GLIS3: variants seen among roughly 807,000 people sequenced by gnomAD.
GLIS3 encodes GLIS family zinc finger 3, also known as zinc finger protein GLIS3.
GLIS3 carries 53 observed loss-of-function variants against 78.6 expected under a neutral mutation model. The observed-to-expected ratio is 0.67, with a 90% CI of 0.54 to 0.85. The LOEUF is 0.85. GLIS3 is among the 40% of genes least tolerant of loss of function. The probability of loss-of-function intolerance (pLI) is 0.00; values close to 1 mark genes in which losing one functional copy is unlikely to be tolerated. For missense variants in GLIS3, 1,703 were observed against 1,231.1 expected, an observed-to-expected ratio of 1.38 and a Z score of -5.74; for synonymous variants, 684 against 509.9, an observed-to-expected ratio of 1.34 and a Z score of -4.60.
the GLIS3 span, among the ~76,000 whole-genome samples, chr9:4,371,886 G>A: frequency 7.2e-5 from 11 of 152,190 alleles, no homozygotes; most frequent in Admixed American, 2.6e-4. Flanking sequence ...CACAATAAAC[G>A]CATCCAGAAT....
At chr9:3,864,444 C>G (rs1363343262) in intron 8 of GLIS3, among the ~76,000 whole-genome samples, 1 of 152,172 alleles carries the variant, frequency 6.6e-6, no homozygotes. Context: ...TCCCAGTATC[C>G]TTCTCATGGT....
intron 4 of GLIS3, among the ~76,000 whole-genome samples, chr9:4,115,359 T>C (rs1292974153): frequency 1.3e-5 from 2 of 152,294 alleles, no homozygotes; most frequent in South Asian, 2.1e-4. Context: ...AAGAAGAATG[T>C]GGCCATTTTA....
intron 8 of GLIS3, among the ~76,000 whole-genome samples, chr9:3,868,591 T>G (rs1484244277): frequency 6.6e-6 from 1 of 152,240 alleles, no homozygotes; most frequent in East Asian, 1.9e-4. Flanking sequence ...TTTGTCTTTT[T>G]TCTTCTATCA....
intron 2 of GLIS3, among the ~76,000 whole-genome samples, chr9:4,344,187 C>T (rs1445869401): frequency 6.6e-6 from 1 of 152,260 alleles, no homozygotes; most frequent in South Asian, 2.1e-4. Flanking sequence ...TACAGCAAGT[C>T]TCCCGATAAA....
intron 2 of GLIS3, among the ~76,000 whole-genome samples, chr9:4,322,645 A>C (rs903899649): frequency 1.3e-5 from 2 of 152,106 alleles, no homozygotes; most frequent in Non-Finnish European, 2.9e-5. Context: ...TTTGATTTGC[A>C]TTTCTCTGAT....
chr9:4,380,531 G>T, the GLIS3 span, among the ~76,000 whole-genome samples: 1 of 152,184 alleles, frequency 6.6e-6, no homozygotes, highest in Non-Finnish European at 1.5e-5. Context: ...TCACACTTTT[G>T]CATAATCAGA....
the GLIS3 span, among the ~76,000 whole-genome samples, chr9:4,431,539 T>C: frequency 1.3e-5 from 2 of 152,074 alleles, no homozygotes; most frequent in African/African-American, 2.4e-5. Context: ...GGCTGGCAAA[T>C]GTTTTCTGTA....
intron 4 of GLIS3, among the ~76,000 whole-genome samples, chr9:4,112,788 A>C (rs1034481208): frequency 2.6e-5 from 4 of 152,198 alleles, no homozygotes; most frequent in African/African-American, 9.7e-5. Context: ...GAAATATTTC[A>C]AATAGGCAGT....
At chr9:4,217,281 C>T (rs1443982834) in intron 2 of GLIS3, among the ~76,000 whole-genome samples, 1 of 152,134 alleles carries the variant, frequency 6.6e-6, no homozygotes, top group Non-Finnish European at 1.5e-5. Flanking sequence ...AGCTCAGGCT[C>T]CATATCTGGT....
the GLIS3 span, among the ~76,000 whole-genome samples, chr9:4,437,973 G>A: frequency 1.3e-5 from 2 of 152,078 alleles, no homozygotes; most frequent in African/African-American, 2.4e-5. Flanking sequence ...TCAACAGTGG[G>A]CTATTCATAG....
At chr9:4,406,085 A>G in the GLIS3 span, among the ~76,000 whole-genome samples, 80 of 152,282 alleles carry the variant, frequency 5.3e-4, no homozygotes, top group East Asian at 2.3e-3. Context: ...AAAAGACTAC[A>G]TAACAAAAGA....
At chr9:4,455,342 C>T in the GLIS3 span, among the ~76,000 whole-genome samples, 1 of 152,012 alleles carries the variant, frequency 6.6e-6, no homozygotes, top group East Asian at 1.9e-4. Context: ...TAGCATTATC[C>T]ACAAGTTATT....
At chr9:4,385,735 G>A in the GLIS3 span, among the ~76,000 whole-genome samples, 2 of 17,650 alleles carry the variant, frequency 1.1e-4, no homozygotes, top group African/African-American at 1.7e-4. Flanking sequence ...AAGAAAGAAA[G>A]AAAAAGAAAG....
the GLIS3 span, among the ~76,000 whole-genome samples, chr9:4,476,074 G>A: frequency 6.6e-6 from 1 of 151,996 alleles, no homozygotes; most frequent in South Asian, 2.1e-4. Flanking sequence ...ATAGTTTTGA[G>A]TGAACTATGT....
intron 4 of GLIS3, among the ~76,000 whole-genome samples, chr9:4,006,041 T>G (rs1421212035): frequency 6.6e-6 from 1 of 152,152 alleles, no homozygotes; most frequent in Admixed American, 6.5e-5. Context: ...TACCTGCTGT[T>G]TCACTCTGAA....
chr9:4,179,064 G>C (rs145496808), intron 2 of GLIS3, among the ~76,000 whole-genome samples: 1 of 152,284 alleles, frequency 6.6e-6, no homozygotes, highest in East Asian at 1.9e-4. Flanking sequence ...TCACACTTCA[G>C]CCTGAGTTTT....
In GLIS3 at chr9:4,202,332, T is replaced by C. The variant is rs547917304; in HGVS notation, c.389-76391A>G. Among the ~76,000 whole-genome samples the C allele has an allele frequency of 9.9e-5, 15 of 151,304 alleles. No individual in the cohort carries two copies. In the East Asian group the frequency reaches 2.8e-3, roughly 28 times the overall value. The stretch of plus-strand genomic sequence containing the variant: ...TGCCTGGCTAATTTTTTTGTATTTT[T>C]AGTAGAGACAGGGTTTCACCATGTT... On this transcript the variant is annotated intron_variant, in intron 2 of 10. Coordinates refer to ENST00000381971, the MANE Select transcript of GLIS3 (RefSeq NM_001042413.2).
intron 4 of GLIS3, among the ~76,000 whole-genome samples, chr9:4,060,733 A>G (rs1826577919): frequency 6.6e-6 from 1 of 152,170 alleles, no homozygotes; most frequent in Admixed American, 6.5e-5. Context: ...AGCTTCCACA[A>G]CTGTAAGATA....
chr9:4,387,422 A>G, the GLIS3 span, among the ~76,000 whole-genome samples: 1 of 152,164 alleles, frequency 6.6e-6, no homozygotes, highest in Admixed American at 6.5e-5. Flanking sequence ...CATGTCATTC[A>G]TAGGTTACGG....
Sources: allele counts gnomAD v4.1 joint callset (sites outside exome capture counted in the v4.1 genomes callset), GRCh38; gene constraint gnomAD v4.1.1; transcripts MANE v1.5; gene names NCBI Gene and HGNC (gene_info 2026-07-23, HGNC 2026-07-21).